Variants in ACBD6 observed in about 807,000 individuals in gnomAD.
The protein encoded by ACBD6 is acyl-CoA binding domain containing 6.
ACBD6 carries 28 observed loss-of-function variants against 37.2 expected under a neutral mutation model. That is an observed-to-expected ratio of 0.75 (90% CI 0.56 to 1.03). The LOEUF (loss-of-function observed/expected upper bound fraction) is 1.03. Among genes scored for constraint, ACBD6 ranks in the 50% least tolerant of loss-of-function variants. The probability of loss-of-function intolerance (pLI) is 0.00; values close to 1 mark genes in which losing one functional copy is unlikely to be tolerated. For missense variants in ACBD6, 340 were observed against 337.4 expected, an observed-to-expected ratio of 1.01 and a Z score of -0.06; for synonymous variants, 113 against 126.8, an observed-to-expected ratio of 0.89 and a Z score of 0.73.
intron 2 of ACBD6, among the ~76,000 whole-genome samples, chr1:180,492,708 T>C (rs1267107650): frequency 6.6e-6 from 1 of 152,180 alleles, no homozygotes; most frequent in Non-Finnish European, 1.5e-5. Context: ...TCACCCCTAT[T>C]GAGGATATAT....
intron 3 of ACBD6, among the ~76,000 whole-genome samples, chr1:180,486,999 A>G (rs191689581): frequency 6.6e-6 from 1 of 151,996 alleles, no homozygotes; most frequent in Admixed American, 6.5e-5. Context: ...GTAATCTGCA[A>G]AAGTATCATG....
intron 7 of ACBD6, among the ~76,000 whole-genome samples, chr1:180,311,479 C>G (rs567582817): frequency 7.2e-5 from 11 of 152,258 alleles, no homozygotes; most frequent in African/African-American, 2.4e-4. Context: ...ACTCTGTCAA[C>G]CAAGCTGGAG....
chr1:180,274,366 G>A (rs1447956323), intron 10 of ACBD6: 1 of 1,614,182 alleles, frequency 6.2e-7, no homozygotes, highest in Admixed American at 1.7e-5. Flanking sequence ...TATCGTCCCT[G>A]CCATCCCACG....
intron 4 of ACBD6, among the ~76,000 whole-genome samples, chr1:180,419,531 C>A (rs904388328): frequency 6.6e-6 from 1 of 152,098 alleles, no homozygotes; most frequent in Non-Finnish European, 1.5e-5. Flanking sequence ...TATAAGTTGA[C>A]CCTTAAACAA....
At chr1:180,274,242 A>T in intron 10 of ACBD6, 4 of 1,614,148 alleles carry the variant, frequency 2.5e-6, no homozygotes, top group Non-Finnish European at 3.4e-6. Context: ...AACGTGGGGG[A>T]CGTTACAGGC....
chr1:180,459,497 G>A (rs1187872654), intron 3 of ACBD6, among the ~76,000 whole-genome samples: 1 of 152,066 alleles, frequency 6.6e-6, no homozygotes, highest in Non-Finnish European at 1.5e-5. Flanking sequence ...GATAAAACTG[G>A]GCCTTTGTGA....
intron 4 of ACBD6, among the ~76,000 whole-genome samples, chr1:180,414,832 C>T (rs1648008364): frequency 6.6e-6 from 1 of 152,150 alleles, no homozygotes; most frequent in Non-Finnish European, 1.5e-5. Context: ...AGAGAAAATG[C>T]TTTTTCGATC....
chr1:180,280,357 C>T (rs1174628993), intron 9 of ACBD6, among the ~76,000 whole-genome samples: 2 of 122,074 alleles, frequency 1.6e-5, no homozygotes, highest in East Asian at 5.0e-4. Context: ...ATAGAGAAAA[C>T]TTAAAAAAAA....
chr1:180,417,903 G>A (rs1249111343), intron 4 of ACBD6, among the ~76,000 whole-genome samples: 2 of 152,128 alleles, frequency 1.3e-5, no homozygotes, highest in Admixed American at 6.5e-5. Context: ...CTTGTTGGAT[G>A]TATGGCCAGA....
In ACBD6 at chr1:180,426,523, CCT is replaced by C. The variant is rs566924944; in HGVS notation, c.467+3655_467+3656del. Among the ~76,000 whole-genome samples, 838 of 152,252 alleles carry C rather than the reference CCT, an allele frequency of 5.5e-3. 7 individuals carry two copies. Among genetic ancestry groups the C allele is most frequent in the African/African-American group, 0.019 (790 of 41,528 alleles). On this transcript the variant is annotated intron_variant, in intron 4 of 7. Transcript: ENST00000367595. ...CTGATCGCAAAACCAGAGGTTACTC[CCT>C]GTTATAAGATTTGTTACTCTCGTTT...
intron 6 of ACBD6, among the ~76,000 whole-genome samples, chr1:180,354,411 C>T (rs1018138074): frequency 6.6e-6 from 1 of 152,114 alleles, no homozygotes; most frequent in Non-Finnish European, 1.5e-5. Flanking sequence ...TTTCATCCCC[C>T]TTTATGGTAT....
At chr1:180,501,840 C>T (rs1571592101) in intron 1 of ACBD6, among the ~76,000 whole-genome samples, 1 of 150,802 alleles carries the variant, frequency 6.6e-6, no homozygotes, top group East Asian at 2.0e-4. Context: ...GCTAAATAAA[C>T]ATCACTCCTA....
chr1:180,292,396 A>G (rs1007885658), intron 7 of ACBD6, among the ~76,000 whole-genome samples: 6 of 152,206 alleles, frequency 3.9e-5, no homozygotes, highest in African/African-American at 1.4e-4. Flanking sequence ...TGTTTGATGT[A>G]TCCCTAAGAA....
chr1:180,333,964 G>C (rs1571373058), intron 6 of ACBD6, among the ~76,000 whole-genome samples: 1 of 152,218 alleles, frequency 6.6e-6, no homozygotes, highest in Non-Finnish European at 1.5e-5. Flanking sequence ...AGTGAGGCTG[G>C]GGGAGGGGCG....
At chr1:180,416,746 G>A (rs1389218317) in intron 4 of ACBD6, among the ~76,000 whole-genome samples, 4 of 152,170 alleles carry the variant, frequency 2.6e-5, no homozygotes, top group South Asian at 4.1e-4. Flanking sequence ...GTTTAAGTAC[G>A]GCTTTTTCAC....
At chr1:180,432,231 A>G (rs1358548524) in intron 3 of ACBD6, among the ~76,000 whole-genome samples, 2 of 151,970 alleles carry the variant, frequency 1.3e-5, no homozygotes, top group Non-Finnish European at 2.9e-5. Context: ...TTTATAATCC[A>G]TGAGAGAAAA....
At chr1:180,295,009 C>G (rs1000845230) in intron 7 of ACBD6, among the ~76,000 whole-genome samples, 4 of 152,022 alleles carry the variant, frequency 2.6e-5, no homozygotes, top group Non-Finnish European at 4.4e-5. Context: ...TGTTTCTTCT[C>G]TTTTTTTTCT....
chr1:180,435,881 G>A lies in ACBD6; in HGVS notation c.385-5619C>T, dbSNP rs562212934. 2.2e-6 allele frequency: 3 copies of A among 1,389,440 alleles called. No homozygotes were observed. In the East Asian group the frequency reaches 6.9e-5, roughly 32 times the overall value. The allele number at this position is 1,389,440 out of a possible 1,614,324, so 86.1% of individuals were successfully genotyped here. ...CAAATTGACACTGTCAGCTCTTCTG[G>A]ATGGCAAGAACGTCAATGGTGGTGG... On this transcript the variant is annotated intron_variant, in intron 3 of 7. Coordinates refer to ENST00000367595, the MANE Select transcript of ACBD6 (RefSeq NM_032360.4).
At chr1:180,316,168 G>C (rs1443924582) in intron 6 of ACBD6, among the ~76,000 whole-genome samples, 2 of 152,054 alleles carry the variant, frequency 1.3e-5, no homozygotes, top group Admixed American at 6.6e-5. Flanking sequence ...TTCTTATGCA[G>C]GGCAGCCTGA....
Sources: gnomAD v4.1 joint callset for allele counts (sites outside exome capture counted in the v4.1 genomes callset) on GRCh38, gnomAD v4.1.1 for gene constraint, MANE v1.5 for transcripts, NCBI Gene and HGNC (gene_info 2026-07-23, HGNC 2026-07-21) for gene names.